Variants in SLC5A12 observed in about 807,000 individuals in gnomAD.
The protein encoded by SLC5A12 is sodium-coupled monocarboxylate transporter 2.
SLC5A12 carries 46 observed loss-of-function variants against 72.7 expected under a neutral mutation model. That is an observed-to-expected ratio of 0.63 (90% CI 0.50 to 0.81). SLC5A12 has a LOEUF of 0.81. Among genes scored for constraint, SLC5A12 ranks in the 30% least tolerant of loss-of-function variants. SLC5A12 has a pLI of 0.00. For synonymous variants in SLC5A12, 275 were observed against 264.4 expected (o/e 1.04, Z -0.39); for missense variants, 683 against 740.7 (o/e 0.92, Z 0.90).
At chr11:26,692,284 G>T in intron 9 of SLC5A12, 2 of 549,878 alleles carry the variant, frequency 3.6e-6, no homozygotes, top group Non-Finnish European at 6.6e-6. Context: ...TGAAAATAAA[G>T]GCAGTTAAGG....
chr11:26,680,988 A>G, intron 12 of SLC5A12, 67 bp downstream of exon 12: 1 of 1,369,202 alleles, frequency 7.3e-7, no homozygotes, highest in Non-Finnish European at 9.8e-7. Context: ...ATCTCTGAAG[A>G]GTGCACCTCC....
Position 26,671,160 on chromosome 11 carries a change from C to T in SLC5A12, c.1799G>A (p.Gly600Asp), listed in dbSNP as rs1193407565. 6.2e-7 allele frequency: 1 copy of T among 1,612,618 alleles called. No individual in the cohort carries two copies. The highest frequency in any genetic ancestry group is 8.5e-7 in the Non-Finnish European group (1 of 1,179,188). The stretch of plus-strand genomic sequence containing the variant: ...GTAGCTTTTGTCCTTAGGATCATAG[C>T]CTGGAACATGTACCAGGCTTTCTCT... The part of the protein sequence containing the change: ...LRRESLVHVP[G>D]YDPKDKSYNN... Residue 600 changes from glycine (G) to aspartate (D), a missense_variant, in exon 15 of 15, where the codon GGC (glycine) becomes GAC (aspartate). Physicochemically the swap from Gly to Asp is moderately conservative, Grantham distance 94. Coordinates refer to ENST00000396005, the MANE Select transcript of SLC5A12 (RefSeq NM_178498.4).
intron 10 of SLC5A12, 99 bp downstream of exon 10, chr11:26,686,378 A>C: frequency 9.7e-7 from 1 of 1,035,934 alleles, no homozygotes; most frequent in South Asian, 1.4e-5. Flanking sequence ...GGTATCATTA[A>C]ATGTCAGCCT....
rs1027592683 is a variant in SLC5A12 at position 26,667,461 on chromosome 11, C to A, written c.*3641G>T. 2.0e-5 allele frequency: 3 copies of A among 151,802 alleles called. No homozygotes were observed. Among genetic ancestry groups the A allele is most frequent in the Non-Finnish European group, 4.4e-5 (3 of 67,860 alleles). 9.4% of individuals were successfully genotyped at this position (151,802 alleles called of 1,614,324 possible). A position where few individuals can be genotyped will look rare whatever the true frequency, so the allele number is the denominator to read the frequency against. On this transcript the variant is annotated 3_prime_UTR_variant, in exon 15 of 15. Transcript: ENST00000396005. ...TCTCTTTAGAATGAAATGGTGTAAC[C>A]CTATAAAGCCACAAAATAGTAAAGT...
intron 11 of SLC5A12, among the ~76,000 whole-genome samples, chr11:26,682,925 G>A (rs1565187122): frequency 1.3e-5 from 2 of 152,002 alleles, no homozygotes; most frequent in South Asian, 4.1e-4. Flanking sequence ...TAGCCCCACA[G>A]GATTTATCTA....
chr11:26,692,552 A>C lies in SLC5A12; in HGVS notation c.1090T>G (p.Phe364Val). The C allele has an allele frequency of 1.9e-6, 3 of 1,614,112 alleles. No homozygotes were observed. The highest frequency in any genetic ancestry group is 2.5e-6 in the Non-Finnish European group (3 of 1,179,960). Residue 364 changes from phenylalanine to valine, a missense_variant, in exon 9 of 15, where the codon TTT (phenylalanine) becomes GTT (valine). By Grantham distance (50) the Phe-to-Val change is conservative (BLOSUM62 -1). Coordinates refer to ENST00000396005, the MANE Select transcript of SLC5A12 (RefSeq NM_178498.4). The stretch of plus-strand genomic sequence containing the variant: ...AGATGAGGAAAACAGCTCTTGACAA[A>C]ATCCTCAAAGGTCACTGTTGCCAAG... ...NALATVTFED[F>V]VKSCFPHLSD...
intron 4 of SLC5A12, among the ~76,000 whole-genome samples, chr11:26,707,382 AT>A (rs766145465): frequency 1.3e-5 from 2 of 152,042 alleles, no homozygotes; most frequent in South Asian, 4.1e-4. Context: ...AGAATCCATA[AT>A]TTTTTGAAAC....
At chr11:26,695,222 C>A (rs1401831487) in intron 8 of SLC5A12, among the ~76,000 whole-genome samples, 2 of 151,664 alleles carry the variant, frequency 1.3e-5, no homozygotes, top group Non-Finnish European at 2.9e-5. Context: ...AGCTAAAGAC[C>A]AGTAGATCAA....
intron 2 of SLC5A12, 119 bp downstream of exon 2, chr11:26,712,522 G>T: frequency 1.8e-6 from 1 of 552,436 alleles, no homozygotes; most frequent in Non-Finnish European, 3.1e-6. Context: ...ATCTTTGGAA[G>T]AAAGTAGCGT....
At chr11:26,702,737 T>C (rs962817877) in intron 6 of SLC5A12, among the ~76,000 whole-genome samples, 4 of 152,150 alleles carry the variant, frequency 2.6e-5, no homozygotes, top group Admixed American at 2.6e-4. Flanking sequence ...TTACCCTCTG[T>C]TTTCTTATTT....
Position 26,703,423 on chromosome 11 carries a change from CAT to C in SLC5A12, c.821+106_821+107del, listed in dbSNP as rs149744316. The stretch of plus-strand genomic sequence containing the variant: ...TCTGCCTCTCTCTTACACACACATA[CAT>C]ACACACACACACACACACACACCCC... On this transcript the variant is annotated intron_variant, in intron 6 of 14. Coordinates refer to ENST00000396005, the MANE Select transcript of SLC5A12 (RefSeq NM_178498.4). The C allele has an allele frequency of 2.5e-3, 2,779 of 1,126,778 alleles. 47 individuals are homozygous for C. The African/African-American group carries it at 0.044, about 18-fold the overall frequency. 69.8% of individuals were successfully genotyped at this position (1,126,778 alleles called of 1,614,324 possible).
Position 26,698,537 on chromosome 11 carries a change from T to C in SLC5A12, c.822-2A>G. 6.2e-7 allele frequency: 1 copy of C among 1,613,800 alleles called. No homozygotes were observed. Among genetic ancestry groups the C allele is most frequent in the Non-Finnish European group, 8.5e-7 (1 of 1,179,808 alleles). ...CCCAGCAAGTTAAAATACAAGGCAC[T>C]AGAAAAGAGCACATGGGCCTATTGG... On this transcript the variant is annotated splice_acceptor_variant, in intron 6 of 14. Coordinates refer to ENST00000396005, the MANE Select transcript of SLC5A12 (RefSeq NM_178498.4). LOFTEE classifies it high-confidence loss of function.
chr11:26,721,786 TC>T lies in SLC5A12; in HGVS notation c.-73del, dbSNP rs1855488377. The T allele has an allele frequency of 7.6e-7, 1 of 1,321,130 alleles. No individual in the cohort carries two copies. The highest frequency in any genetic ancestry group is 1.1e-6 in the Non-Finnish European group (1 of 942,930). The allele number at this position is 1,321,130 out of a possible 1,614,324, so 81.8% of individuals were successfully genotyped here. The stretch of plus-strand genomic sequence containing the variant: ...AAGAAGATGTTTCCAAAAGCAAAGT[TC>T]AGTACAGTGGATGCTTTGCTGAGAG... On this transcript the variant is annotated 5_prime_UTR_variant, in exon 1 of 15. Transcript: ENST00000396005.
intron 14 of SLC5A12, among the ~76,000 whole-genome samples, chr11:26,672,435 C>T (rs1315480299): frequency 1.3e-5 from 2 of 152,106 alleles, no homozygotes; most frequent in African/African-American, 4.8e-5. Flanking sequence ...GGAAGACAGA[C>T]ACTGATAAGG....
Position 26,683,846 on chromosome 11 carries a change from G to A in SLC5A12, c.1222-3C>T. ...ATGCCGTGAATGCTGAGGGAAGCCT[G>A]TGGAACAAAGGCAGACCAGATGAAT... On this transcript the variant is annotated splice_region_variant and splice_polypyrimidine_tract_variant and intron_variant, in intron 10 of 14. Coordinates refer to ENST00000396005, the MANE Select transcript of SLC5A12 (RefSeq NM_178498.4). 2 of 1,588,456 alleles carry A rather than the reference G, an allele frequency of 1.3e-6. No homozygotes were observed. Among genetic ancestry groups the A allele is most frequent in the Non-Finnish European group, 1.7e-6 (2 of 1,167,626 alleles).
Position 26,680,204 on chromosome 11 carries a change from C to G in SLC5A12, c.1475+851G>C, listed in dbSNP as rs1207994487. On this transcript the variant is annotated intron_variant, in intron 12 of 14. Coordinates refer to ENST00000396005, the MANE Select transcript of SLC5A12 (RefSeq NM_178498.4). ...TTGAGGATACACAAATAACACAAAT[C>G]CTATATTTTCTAGACTTGCTCTTAC... Among the ~76,000 whole-genome samples, 3 of 149,850 alleles carry G rather than the reference C, an allele frequency of 2.0e-5. No homozygotes were observed. In the Admixed American group the frequency reaches 2.0e-4, roughly 10 times the overall value.
In SLC5A12 at chr11:26,704,057, A is replaced by G. The variant is rs535694963; in HGVS notation, c.526-110T>C. The G allele has an allele frequency of 1.7e-5, 20 of 1,171,742 alleles. No homozygotes were observed. The African/African-American group carries it at 3.1e-4, about 18-fold the overall frequency. The allele number at this position is 1,171,742 out of a possible 1,614,324, so 72.6% of individuals were successfully genotyped here. A position where few individuals can be genotyped will look rare whatever the true frequency, so the allele number is the denominator to read the frequency against. ...TGCATTCTTTTGTTTATTCAGCATCAGCCACTGAGGATCTTTTATGTGCCA... is the reference window on the plus strand; with the variant it reads ...TGCATTCTTTTGTTTATTCAGCATCGGCCACTGAGGATCTTTTATGTGCCA... On this transcript the variant is annotated intron_variant, in intron 4 of 14. Transcript: ENST00000396005.
intron 7 of SLC5A12, 152 bp downstream of exon 7, chr11:26,698,254 A>T: frequency 2.0e-6 from 2 of 986,048 alleles, no homozygotes; most frequent in Non-Finnish European, 2.9e-6. Context: ...GTAGGTGCTG[A>T]TATCACCCAA....
intron 13 of SLC5A12, among the ~76,000 whole-genome samples, chr11:26,675,508 G>A (rs1027452631): frequency 1.3e-5 from 2 of 152,128 alleles, no homozygotes; most frequent in East Asian, 1.9e-4. Context: ...AACCAAGTTC[G>A]TCAAGAGACT....
Sources: gnomAD v4.1 joint callset for allele counts (sites outside exome capture counted in the v4.1 genomes callset) on GRCh38, gnomAD v4.1.1 for gene constraint, MANE v1.5 for transcripts, NCBI Gene and HGNC (gene_info 2026-07-23, HGNC 2026-07-21) for gene names.